The following AP3B2 variants were observed in gnomAD, a reference collection of about 807,000 sequenced individuals.
AP3B2 encodes AP-3 complex subunit beta-2.
Under a neutral mutation model 126.9 loss-of-function variants are expected in AP3B2, and 50 were observed. The ratio of observed to expected loss-of-function variants is 0.39; its 90% CI spans 0.31 to 0.50. The LOEUF (loss-of-function observed/expected upper bound fraction) is 0.50. AP3B2 is among the 20% of genes least tolerant of loss of function. AP3B2 has a pLI of 0.79. For missense variants in AP3B2, 1,177 were observed against 1,426.4 expected (o/e 0.83, Z 2.82); for synonymous variants, 541 against 565.0 (o/e 0.96, Z 0.60).
At chr15:82,692,798 T>A (rs1195610514) in intron 1 of AP3B2, 2 of 151,834 alleles carry the variant, frequency 1.3e-5, no homozygotes, top group African/African-American at 4.8e-5. Context: ...TCTAGTGGGA[T>A]GAATAAAGAT....
chr15:82,660,154 G>C (rs573851263), intron 25 of AP3B2, among the ~76,000 whole-genome samples, 171 bp from the exon 26 acceptor site: 1 of 152,198 alleles, frequency 6.6e-6, no homozygotes, highest in East Asian at 1.9e-4. Context: ...CTCAGACTGG[G>C]CCCTCCCTCA....
chr15:82,709,843 T>A lies in AP3B2; in HGVS notation c.-137A>T. ...GGCAGGGGTTCAGCAGAGGCTGCAGTGTGCAGCGGCGGAGGCTGCGCGCGG... is the reference window on the plus strand; with the variant it reads ...GGCAGGGGTTCAGCAGAGGCTGCAGAGTGCAGCGGCGGAGGCTGCGCGCGG... On this transcript the variant is annotated 5_prime_UTR_variant, in exon 1 of 27. Coordinates refer to ENST00000535359, the MANE Select transcript of AP3B2 (RefSeq NM_001278512.2). 1.7e-6 allele frequency: 1 copy of A among 584,824 alleles called. No individual in the cohort carries two copies. The highest frequency in any genetic ancestry group is 2.7e-6 in the Non-Finnish European group (1 of 375,740). The allele number at this position is 584,824 out of a possible 1,614,324, so 36.2% of individuals were successfully genotyped here.
chr15:82,691,603 TAAA>T, intron 1 of AP3B2: 1 of 631,108 alleles, frequency 1.6e-6, no homozygotes, highest in Non-Finnish European at 2.2e-6. Flanking sequence ...TTTTCTTCTT[TAAA>T]AAAAAAAAAT....
In AP3B2 at chr15:82,681,325, T is replaced by G; in HGVS notation, c.521+95A>C. 1 of 1,561,118 alleles carries G rather than the reference T, an allele frequency of 6.4e-7. No homozygotes were observed. Among genetic ancestry groups the G allele is most frequent in the Non-Finnish European group, 8.7e-7 (1 of 1,147,592 alleles). ...CCCAAACTACCCTCCTCAAACCCTC[T>G]GAGAAGCAGCAGGCAAGACTTAGGA... On this transcript the variant is annotated intron_variant, in intron 5 of 26. Coordinates refer to ENST00000535359, the MANE Select transcript of AP3B2 (RefSeq NM_001278512.2). This position sits in a 1 kb window ranked among gnomAD's most constrained non-coding sequence, Gnocchi z 4.0.
intron 21 of AP3B2, 107 bp from the exon 22 acceptor site, chr15:82,663,340 C>T (rs1344572874): frequency 1.9e-6 from 2 of 1,043,030 alleles, no homozygotes; most frequent in Non-Finnish European, 2.9e-6. Context: ...GACAGCGGGG[C>T]ACATGGCTGC....
rs187945071 is a variant in AP3B2 at position 82,681,740 on chromosome 15, G to T, written c.361-160C>A. 6 of 785,526 alleles carry T rather than the reference G, an allele frequency of 7.6e-6. No homozygotes were observed. The East Asian group carries it at 1.4e-4, about 18-fold the overall frequency. The allele number at this position is 785,526 out of a possible 1,614,324, so 48.7% of individuals were successfully genotyped here. A position where few individuals can be genotyped will look rare whatever the true frequency, so the allele number is the denominator to read the frequency against. On this transcript the variant is annotated intron_variant, in intron 4 of 26. Transcript: ENST00000535359. This position sits in a 1 kb window ranked among gnomAD's most constrained non-coding sequence, Gnocchi z 4.0. The stretch of plus-strand genomic sequence containing the variant: ...GTGTGCCAGTGATGGGTATCTGGGG[G>T]ACACTTAATTTTGGCTCTGGTTGCA...
intron 1 of AP3B2, chr15:82,689,662 C>T: frequency 1.7e-6 from 1 of 585,322 alleles, no homozygotes; most frequent in Non-Finnish European, 3.1e-6. Context: ...TGTGTCCTTC[C>T]TAAAAAGGAT....
intron 1 of AP3B2, chr15:82,692,436 C>A: frequency 2.6e-6 from 1 of 390,132 alleles, no homozygotes; most frequent in Non-Finnish European, 4.6e-6. Context: ...CCGCACTGCA[C>A]TGTGGGAACG....
intron 4 of AP3B2, 154 bp downstream of exon 4, chr15:82,688,582 G>C: frequency 1.3e-6 from 1 of 742,166 alleles, no homozygotes; most frequent in South Asian, 1.5e-5. Flanking sequence ...TGAGGGTCTG[G>C]CTGGCCTCTT....
At chr15:82,705,409 T>G (rs1211961381) in intron 1 of AP3B2, among the ~76,000 whole-genome samples, 1 of 152,224 alleles carries the variant, frequency 6.6e-6, no homozygotes, top group Non-Finnish European at 1.5e-5. Context: ...CAAATTGTTT[T>G]GCCTATCCAC....
At position 82,664,595 on chromosome 15, in the gene AP3B2, C is replaced by T. The variant is rs1359521256; in HGVS notation, c.2138-105G>A. 7.4e-7 allele frequency: 1 copy of T among 1,359,686 alleles called. No homozygotes were observed. Among genetic ancestry groups the T allele is most frequent in the Admixed American group, 2.1e-5 (1 of 47,594 alleles). 84.2% of individuals were successfully genotyped at this position (1,359,686 alleles called of 1,614,324 possible). A position where few individuals can be genotyped will look rare whatever the true frequency, so the allele number is the denominator to read the frequency against. On this transcript the variant is annotated intron_variant, in intron 18 of 26. Coordinates refer to ENST00000535359, the MANE Select transcript of AP3B2 (RefSeq NM_001278512.2). The surrounding 1 kb of genome is among the most constrained non-coding windows in gnomAD (Gnocchi z 4.5). ...CACATTCAGTACTGAACCCTCAAAC[C>T]TCTCTGACCTGCCCCCAGCCCTACA...
intron 14 of AP3B2, 24 bp downstream of exon 14, chr15:82,676,437 G>C (rs1475616246): frequency 1.2e-6 from 2 of 1,610,094 alleles, no homozygotes; most frequent in Non-Finnish European, 1.7e-6. Context: ...CAGAGTATCT[G>C]GGGGGTCATC....
intron 14 of AP3B2, among the ~76,000 whole-genome samples, chr15:82,671,620 C>T (rs200927866): frequency 6.6e-6 from 1 of 151,802 alleles, no homozygotes; most frequent in East Asian, 1.9e-4. Context: ...CACCTGTAAT[C>T]TCAGCTACTT....
intron 14 of AP3B2, among the ~76,000 whole-genome samples, chr15:82,671,422 G>A (rs927275966): frequency 6.6e-6 from 1 of 152,130 alleles, no homozygotes; most frequent in Non-Finnish European, 1.5e-5. Context: ...AATGTCTGGA[G>A]AACAGTTTGG....
At position 82,665,707 on chromosome 15, in the gene AP3B2, G is replaced by T; in HGVS notation, c.1853-132C>A. ...GGGTAGGGGAAGGAGATGGATGTGT[G>T]CCCTAATGGCTCTTCCACCCTGACT... On this transcript the variant is annotated intron_variant, in intron 15 of 26. Transcript: ENST00000535359. The surrounding 1 kb of genome is among the most constrained non-coding windows in gnomAD (Gnocchi z 4.4). 2 of 669,246 alleles carry T rather than the reference G, an allele frequency of 3.0e-6. No homozygotes were observed. The highest frequency in any genetic ancestry group is 2.6e-6 in the Non-Finnish European group (1 of 378,988). 41.5% of individuals were successfully genotyped at this position (669,246 alleles called of 1,614,324 possible).
intron 4 of AP3B2, among the ~76,000 whole-genome samples, chr15:82,682,527 A>G (rs980901436): frequency 2.0e-5 from 3 of 152,142 alleles, no homozygotes; most frequent in African/African-American, 7.2e-5. Context: ...CTCAACAATA[A>G]AGCAAATATC....
rs370046999 is a variant in AP3B2 at position 82,666,952 on chromosome 15, G to C, written c.1666-19C>G. 5.5e-5 allele frequency: 88 copies of C among 1,600,298 alleles called. No individual in the cohort carries two copies. Among genetic ancestry groups the C allele is most frequent in the Non-Finnish European group, 7.2e-5 (84 of 1,169,720 alleles). ...GCTTGGTCTGGAGGAACAGGAAGAGGTGGGTCAGCTGACGGGGGGATGGGG... is the reference window on the plus strand; with the variant it reads ...GCTTGGTCTGGAGGAACAGGAAGAGCTGGGTCAGCTGACGGGGGGATGGGG... On this transcript the variant is annotated intron_variant, in intron 14 of 26. Coordinates refer to ENST00000535359, the MANE Select transcript of AP3B2 (RefSeq NM_001278512.2).
chr15:82,707,357 C>G (rs2048812455), intron 1 of AP3B2, among the ~76,000 whole-genome samples: 1 of 152,212 alleles, frequency 6.6e-6, no homozygotes, highest in African/African-American at 2.4e-5. Context: ...AGGGTACAGC[C>G]CATTCAAGCT....
chr15:82,676,152 T>C (rs979124176), intron 14 of AP3B2, among the ~76,000 whole-genome samples: 1 of 152,132 alleles, frequency 6.6e-6, no homozygotes, highest in African/African-American at 2.4e-5. Flanking sequence ...GTTGGGCCCT[T>C]CCCTTATCCC....
Sources: allele counts gnomAD v4.1 joint callset (sites outside exome capture counted in the v4.1 genomes callset), GRCh38; gene constraint gnomAD v4.1.1; non-coding constraint Gnocchi (gnomAD v3.1); transcripts MANE v1.5; gene names NCBI Gene and HGNC (gene_info 2026-07-23, HGNC 2026-07-21).